Variants in CIMIP2A observed in about 807,000 individuals in gnomAD.
CIMIP2A encodes ciliary microtubule inner protein 2A, also known as family with sequence similarity 166 member A.
the CIMIP2A span, among the ~76,000 whole-genome samples, chr9:137,247,401 G>A: frequency 1.3e-5 from 2 of 152,264 alleles, no homozygotes; most frequent in African/African-American, 2.4e-5. Flanking sequence ...CTCGACAGAC[G>A]TGCTGGCCAC....
the CIMIP2A span, chr9:137,251,208 A>C: frequency 3.0e-6 from 3 of 1,012,968 alleles, no homozygotes; most frequent in Non-Finnish European, 4.7e-6. Flanking sequence ...CTTCCTCAGG[A>C]GTCCCAGCAA....
At chr9:137,244,397 G>A in the CIMIP2A span, 1 of 1,576,362 alleles carries the variant, frequency 6.3e-7, no homozygotes, top group Admixed American at 1.7e-5. Flanking sequence ...TGGGAAAGCT[G>A]CTAATGCTCC....
At chr9:137,253,612 T>G in the CIMIP2A span, 1 of 839,700 alleles carries the variant, frequency 1.2e-6, no homozygotes, top group Non-Finnish European at 1.7e-6. Context: ...TGCTCTCTTC[T>G]CTAGGGTGGC....
chr9:137,246,762 CAAAAG>C, the CIMIP2A span, among the ~76,000 whole-genome samples: 1 of 151,044 alleles, frequency 6.6e-6, no homozygotes, highest in Non-Finnish European at 1.5e-5. Flanking sequence ...GACTCCGTCT[CAAAAG>C]AAAAAAAAAA....
At chr9:137,245,827 C>A in the CIMIP2A span, 1 of 1,506,048 alleles carries the variant, frequency 6.6e-7, no homozygotes, top group Non-Finnish European at 8.9e-7. Flanking sequence ...CACCTGGTAG[C>A]GCAGCTGCGG....
At chr9:137,252,936 C>G in the CIMIP2A span, 1 of 1,600,240 alleles carries the variant, frequency 6.2e-7, no homozygotes, top group Non-Finnish European at 8.5e-7. Context: ...ATGAGCCGCT[C>G]CCCTGCGTTC....
the CIMIP2A span, chr9:137,250,753 C>G: frequency 6.2e-6 from 1 of 161,160 alleles, no homozygotes; most frequent in Admixed American, 5.7e-5. Context: ...AAGGCCCGGC[C>G]TGCCTCTGGT....
At chr9:137,252,364 G>T in the CIMIP2A span, 1 of 1,489,792 alleles carries the variant, frequency 6.7e-7, no homozygotes, top group South Asian at 1.2e-5. Flanking sequence ...TGGGAACCGG[G>T]AGACAGGTTC....
At chr9:137,244,850 G>A in the CIMIP2A span, 8 of 1,564,520 alleles carry the variant, frequency 5.1e-6, 1 homozygote, top group South Asian at 6.9e-5. Context: ...TTCGTTCCCT[G>A]AACGTTGGCG....
At chr9:137,250,595 T>G in the CIMIP2A span, 2 of 153,912 alleles carry the variant, frequency 1.3e-5, no homozygotes, top group African/African-American at 4.8e-5. Context: ...GACCACACAG[T>G]GAGGGCCCTG....
the CIMIP2A span, among the ~76,000 whole-genome samples, chr9:137,246,740 G>A: frequency 1.3e-5 from 2 of 152,084 alleles, no homozygotes; most frequent in Non-Finnish European, 2.9e-5. Flanking sequence ...TCCAGCCTGG[G>A]CAACAGAGCG....
chr9:137,244,214 G>A, the CIMIP2A span: 6 of 1,613,966 alleles, frequency 3.7e-6, no homozygotes, highest in Middle Eastern at 1.6e-4. Flanking sequence ...CTTGGCTGCT[G>A]TAGATGTGGT....
chr9:137,244,913 G>C, the CIMIP2A span: 191 of 1,594,606 alleles, frequency 1.2e-4, no homozygotes, highest in East Asian at 4.0e-3. Flanking sequence ...GCCTCGTCTT[G>C]GGAAAAGCTG....
chr9:137,244,754 T>C, the CIMIP2A span: 5 of 1,610,038 alleles, frequency 3.1e-6, no homozygotes, highest in East Asian at 6.7e-5. Context: ...TAGGCAGATG[T>C]ACGGGCTACC....
At chr9:137,244,111 G>A in the CIMIP2A span, 1 of 1,503,874 alleles carries the variant, frequency 6.6e-7, no homozygotes, top group Non-Finnish European at 9.2e-7. Context: ...TGAGCAGGTA[G>A]AGCCGTCCCT....
chr9:137,245,557 C>T, the CIMIP2A span: 1 of 1,613,726 alleles, frequency 6.2e-7, no homozygotes, highest in South Asian at 1.1e-5. Context: ...GGGCTTCAGA[C>T]CTGTACCAAC....
chr9:137,251,950 G>A, the CIMIP2A span: 2 of 1,596,592 alleles, frequency 1.3e-6, no homozygotes, highest in Non-Finnish European at 1.7e-6. Context: ...GGGGCTGTGG[G>A]AGGGGCCCGC....
chr9:137,244,492 C>T, the CIMIP2A span: 2 of 1,495,298 alleles, frequency 1.3e-6, no homozygotes, highest in Non-Finnish European at 1.8e-6. Flanking sequence ...GTTGGGGCGG[C>T]ACCTCCGGGG....
At chr9:137,244,406 C>G in the CIMIP2A span, 8 of 1,566,256 alleles carry the variant, frequency 5.1e-6, no homozygotes, top group Middle Eastern at 1.7e-4. Flanking sequence ...TGCTAATGCT[C>G]CCAGCCTTCT....
Sources: gnomAD v4.1 joint callset for allele counts (sites outside exome capture counted in the v4.1 genomes callset) on GRCh38, gnomAD v4.1.1 for gene constraint, MANE v1.5 for transcripts, NCBI Gene and HGNC (gene_info 2026-07-23, HGNC 2026-07-21) for gene names.